The following PKHD1 variants were observed in gnomAD, a reference collection of about 807,000 sequenced individuals.
The protein encoded by PKHD1 is PKHD1 ciliary IPT domain containing fibrocystin/polyductin.
In PKHD1, 291 loss-of-function variants were observed where a neutral mutation model predicts 412.0. That is an observed-to-expected ratio of 0.71 (90% CI 0.64 to 0.78). The LOEUF is 0.78. Among genes scored for constraint, PKHD1 ranks in the 30% least tolerant of loss-of-function variants. The pLI is 0.00. For synonymous variants in PKHD1, 1,777 were observed against 1,821.5 expected (o/e 0.98, Z 0.62); for missense variants, 4,825 against 4,950.7 (o/e 0.97, Z 0.76).
chr6:51,674,625 G>C (rs1221363364), intron 60 of PKHD1, among the ~76,000 whole-genome samples: 1 of 152,134 alleles, frequency 6.6e-6, no homozygotes, highest in African/African-American at 2.4e-5. Context: ...CTTTGGCAAA[G>C]TTAAATGTAG....
chr6:51,779,888 C>T lies in PKHD1; in HGVS notation c.8441-3967G>A, dbSNP rs558979820. Among the ~76,000 whole-genome samples, 208 of 152,028 alleles carry T rather than the reference C, an allele frequency of 1.4e-3. 3 individuals carry two copies. Among genetic ancestry groups the T allele is most frequent in the Middle Eastern group, 0.01 (3 of 294 alleles). On this transcript the variant is annotated intron_variant, in intron 53 of 66. Coordinates refer to ENST00000371117, the MANE Select transcript of PKHD1 (RefSeq NM_138694.4). Reference sequence around the variant, plus strand: ...TGGAAAACTAGACCCACAAAGAATGCGCATTCTTTTAAACCTTGCACAAGA... The same window carrying T: ...TGGAAAACTAGACCCACAAAGAATGTGCATTCTTTTAAACCTTGCACAAGA...
intron 60 of PKHD1, among the ~76,000 whole-genome samples, chr6:51,696,486 T>C (rs1290851232): frequency 6.6e-6 from 1 of 152,186 alleles, no homozygotes; most frequent in Non-Finnish European, 1.5e-5. Context: ...AACCAAGGAC[T>C]GAGAAACTCA....
chr6:51,821,337 G>A (rs1272734186), intron 52 of PKHD1, among the ~76,000 whole-genome samples: 1 of 152,108 alleles, frequency 6.6e-6, no homozygotes, highest in Non-Finnish European at 1.5e-5. Context: ...GACTTCCCAG[G>A]TTTTATCACT....
intron 35 of PKHD1, among the ~76,000 whole-genome samples, chr6:52,008,411 G>A (rs1799363222): frequency 6.6e-6 from 1 of 152,098 alleles, no homozygotes; most frequent in Non-Finnish European, 1.5e-5. Flanking sequence ...CTTAAAAGTG[G>A]GGTCTCTTTC....
At chr6:51,660,444 T>C (rs763020134) in intron 60 of PKHD1, among the ~76,000 whole-genome samples, 1 of 152,112 alleles carries the variant, frequency 6.6e-6, no homozygotes, top group Non-Finnish European at 1.5e-5. Context: ...CAAATTCTGA[T>C]ACTAAACAAA....
chr6:51,931,194 A>G (rs1786515324), intron 37 of PKHD1, among the ~76,000 whole-genome samples: 1 of 152,164 alleles, frequency 6.6e-6, no homozygotes, highest in Admixed American at 6.5e-5. Context: ...CATCACATGT[A>G]CATTTCCAGG....
chr6:51,819,262 A>G (rs1449351066), intron 52 of PKHD1, among the ~76,000 whole-genome samples: 1 of 152,210 alleles, frequency 6.6e-6, no homozygotes, highest in Non-Finnish European at 1.5e-5. Context: ...TTGTCATATA[A>G]AAGGATTTGA....
chr6:51,864,761 T>C (rs1488845004), intron 48 of PKHD1, among the ~76,000 whole-genome samples: 1 of 152,170 alleles, frequency 6.6e-6, no homozygotes, highest in Non-Finnish European at 1.5e-5. Flanking sequence ...ACATGATCAA[T>C]ATAAACAAAT....
chr6:52,046,258 A>G, intron 23 of PKHD1, 70 bp from the exon 24 acceptor site: 1 of 1,180,510 alleles, frequency 8.5e-7, no homozygotes, highest in Non-Finnish European at 1.3e-6. Context: ...TTCATCCTCA[A>G]GGATAACACG....
At chr6:51,862,670 C>T (rs930553211) in intron 48 of PKHD1, among the ~76,000 whole-genome samples, 2 of 152,092 alleles carry the variant, frequency 1.3e-5, no homozygotes, top group Non-Finnish European at 2.9e-5. Flanking sequence ...AAAAACTGAA[C>T]GCAAGCACTA....
At chr6:51,764,291 C>T (rs569313510) in intron 55 of PKHD1, among the ~76,000 whole-genome samples, 1 of 149,556 alleles carries the variant, frequency 6.7e-6, no homozygotes, top group Non-Finnish European at 1.5e-5. Context: ...GACATTTATG[C>T]AGCCAAAAAA....
intron 43 of PKHD1, among the ~76,000 whole-genome samples, chr6:51,899,602 G>A (rs1266951718): frequency 6.6e-6 from 1 of 150,700 alleles, no homozygotes; most frequent in South Asian, 2.1e-4. Context: ...TTTGAAAACT[G>A]GCACAAGACA....
intron 60 of PKHD1, among the ~76,000 whole-genome samples, chr6:51,703,501 T>C (rs961977684): frequency 6.6e-6 from 1 of 151,938 alleles, no homozygotes; most frequent in African/African-American, 2.4e-5. Context: ...AAAATGAGGA[T>C]TGACAAAAAA....
chr6:51,638,803 A>T, intron 64 of PKHD1, 46 bp downstream of exon 64: 1 of 1,208,894 alleles, frequency 8.3e-7, no homozygotes, highest in Non-Finnish European at 1.2e-6. Context: ...TCTTCTCAAA[A>T]AAAAAAAAAA....
At chr6:52,061,251 T>G (rs563219829) in intron 14 of PKHD1, among the ~76,000 whole-genome samples, 1 of 152,170 alleles carries the variant, frequency 6.6e-6, no homozygotes, top group African/African-American at 2.4e-5. Flanking sequence ...AGTGCAGTGG[T>G]GTGATCATGG....
intron 59 of PKHD1, among the ~76,000 whole-genome samples, chr6:51,746,468 T>C (rs1259695592): frequency 6.6e-6 from 1 of 152,158 alleles, no homozygotes; most frequent in Non-Finnish European, 1.5e-5. Flanking sequence ...GAAAATCACA[T>C]GGCTGAGTCC....
Position 51,965,647 on chromosome 6 carries a change from T to C in PKHD1, c.5752-5621A>G, listed in dbSNP as rs75873614. ...CTTCCACACTGCACTGTGTAGCACATTGACTACTCAAAGAAATGTCAACAG... is the reference window on the plus strand; with the variant it reads ...CTTCCACACTGCACTGTGTAGCACACTGACTACTCAAAGAAATGTCAACAG... On this transcript the variant is annotated intron_variant, in intron 35 of 66. Coordinates refer to ENST00000371117, the MANE Select transcript of PKHD1 (RefSeq NM_138694.4). Among the ~76,000 whole-genome samples, 319 of 152,186 alleles carry C rather than the reference T, an allele frequency of 2.1e-3. 2 individuals are homozygous for C. Among genetic ancestry groups the C allele is most frequent in the African/African-American group, 7.3e-3 (302 of 41,550 alleles).
At chr6:51,974,684 T>C (rs1285396690) in intron 35 of PKHD1, among the ~76,000 whole-genome samples, 1 of 152,096 alleles carries the variant, frequency 6.6e-6, no homozygotes, top group Non-Finnish European at 1.5e-5. Context: ...AACGACACAA[T>C]GGACTTTGAG....
intron 52 of PKHD1, among the ~76,000 whole-genome samples, chr6:51,812,936 C>G (rs1764916782): frequency 6.6e-6 from 1 of 152,170 alleles, no homozygotes; most frequent in Non-Finnish European, 1.5e-5. Context: ...AATAATTTAA[C>G]TCTTTCAACC....
Sources: gnomAD v4.1 joint callset for allele counts (sites outside exome capture counted in the v4.1 genomes callset) on GRCh38, gnomAD v4.1.1 for gene constraint, MANE v1.5 for transcripts, NCBI Gene and HGNC (gene_info 2026-07-23, HGNC 2026-07-21) for gene names.